Variants in LMBRD1 observed in about 807,000 individuals in gnomAD.
The protein encoded by LMBRD1 is LMBR1 domain containing 1.
In LMBRD1, 64 loss-of-function variants were observed where a neutral mutation model predicts 74.8. The observed-to-expected ratio is 0.86, with a 90% CI of 0.70 to 1.05. LMBRD1 has a LOEUF of 1.05. LMBRD1 is among the 50% of genes least tolerant of loss of function. LMBRD1 has a pLI of 0.00. For synonymous variants in LMBRD1, 204 were observed against 216.3 expected, an observed-to-expected ratio of 0.94 and a Z score of 0.50; for missense variants, 652 against 645.9, an observed-to-expected ratio of 1.01 and a Z score of -0.10.
At chr6:69,783,628 G>C (rs1765882912) in intron 2 of LMBRD1, among the ~76,000 whole-genome samples, 1 of 152,154 alleles carries the variant, frequency 6.6e-6, no homozygotes, top group Admixed American at 6.5e-5. Flanking sequence ...GCCTGCCTCA[G>C]CCTCTAGGTT....
At chr6:69,721,290 C>A (rs896898236) in intron 7 of LMBRD1, among the ~76,000 whole-genome samples, 3 of 152,208 alleles carry the variant, frequency 2.0e-5, no homozygotes, top group African/African-American at 7.2e-5. Flanking sequence ...CCTCTCCCAA[C>A]CCCATGAAGT....
chr6:69,678,567 G>T (rs1765595069), intron 14 of LMBRD1, among the ~76,000 whole-genome samples: 1 of 152,016 alleles, frequency 6.6e-6, no homozygotes, highest in South Asian at 2.1e-4. Context: ...ATTTCAGAAG[G>T]CCTACTTCTT....
At chr6:69,705,002 G>T in intron 9 of LMBRD1, among the ~76,000 whole-genome samples, 1 of 148,104 alleles carries the variant, frequency 6.8e-6, no homozygotes, top group East Asian at 2.0e-4. Context: ...TATTTCACAT[G>T]CATATTTTTG....
At chr6:69,713,856 C>T (rs1202723301) in intron 8 of LMBRD1, 59 bp from the exon 9 acceptor site, 1 of 1,580,058 alleles carries the variant, frequency 6.3e-7, no homozygotes, top group African/African-American at 1.3e-5. Context: ...AAGTACCCAG[C>T]AGATTTAGCA....
chr6:69,704,350 GA>G (rs1000206437), intron 9 of LMBRD1, among the ~76,000 whole-genome samples: 3 of 151,918 alleles, frequency 2.0e-5, no homozygotes, highest in Non-Finnish European at 4.4e-5. Context: ...TTATTTGTTG[GA>G]ATTCTACTGT....
intron 5 of LMBRD1, among the ~76,000 whole-genome samples, chr6:69,745,449 G>A (rs180875826): frequency 0.01 from 1,488 of 148,228 alleles, 11 homozygotes; most frequent in Non-Finnish European, 0.016. Context: ...TAGTAGAGAC[G>A]GGGTTTCACC....
At chr6:69,754,494 C>T (rs376566102) in intron 3 of LMBRD1, among the ~76,000 whole-genome samples, 1 of 152,038 alleles carries the variant, frequency 6.6e-6, no homozygotes, top group Non-Finnish European at 1.5e-5. Flanking sequence ...TCAACAGAGG[C>T]GCAGAGTTAA....
intron 4 of LMBRD1, among the ~76,000 whole-genome samples, 165 bp from the exon 5 acceptor site, chr6:69,749,573 CA>C (rs1765074955): frequency 6.6e-6 from 1 of 151,798 alleles, no homozygotes; most frequent in South Asian, 2.1e-4. Flanking sequence ...AGGTATACTA[CA>C]TCTTAAGTAT....
At chr6:69,796,745 C>T (rs1766242491) in intron 1 of LMBRD1, 68 bp downstream of exon 1, 1 of 1,491,452 alleles carries the variant, frequency 6.7e-7, no homozygotes, top group South Asian at 1.2e-5. Flanking sequence ...GAGAGGCCAA[C>T]TGCAGGGCCT....
chr6:69,752,406 A>C (rs760386615), intron 3 of LMBRD1, 50 bp from the exon 4 acceptor site: 3 of 1,379,482 alleles, frequency 2.2e-6, no homozygotes, highest in South Asian at 2.4e-5. Context: ...TATGTACTTA[A>C]TCATGGTTAT....
At chr6:69,733,534 T>G (rs995076171) in intron 7 of LMBRD1, among the ~76,000 whole-genome samples, 1 of 152,118 alleles carries the variant, frequency 6.6e-6, no homozygotes, top group African/African-American at 2.4e-5. Context: ...GGTAATAGAT[T>G]TTAAACAAAC....
rs1765500001 is a variant in LMBRD1 at position 69,674,184 on chromosome 6, TCC to T, written c.*1972_*1973del. On this transcript the variant is annotated 3_prime_UTR_variant, in exon 16 of 16. Transcript: ENST00000649934. The stretch of plus-strand genomic sequence containing the variant: ...TGTACATACACATTCTAGATGTCTC[TCC>T]CCCTTCTTATAAGAACACCAGTCAT... 6.6e-6 allele frequency among the ~76,000 whole-genome samples: 1 copy of T among 152,156 alleles called. No homozygotes were observed. Among genetic ancestry groups the T allele is most frequent in the African/African-American group, 2.4e-5 (1 of 41,422 alleles).
Position 69,743,613 on chromosome 6 carries a change from T to C in LMBRD1, c.474-1736A>G, listed in dbSNP as rs753641096. On this transcript the variant is annotated intron_variant, in intron 5 of 15. Transcript: ENST00000649934. ...TCAGAGAGTTAAACATTTGAGCACA[T>C]AGTATTTTAGGTATAAACGAAAGCA... Among the ~76,000 whole-genome samples the C allele has an allele frequency of 1.3e-3, 192 of 152,340 alleles. 1 individual carries two copies. Among genetic ancestry groups the C allele is most frequent in the Non-Finnish European group, 8.1e-4 (55 of 68,018 alleles).
intron 9 of LMBRD1, among the ~76,000 whole-genome samples, chr6:69,708,665 C>T (rs974000930): frequency 7.0e-6 from 1 of 143,822 alleles, no homozygotes; most frequent in African/African-American, 2.6e-5. Context: ...AAAAAAAAAT[C>T]CTCTACTAAT....
chr6:69,674,890 T>C lies in LMBRD1; in HGVS notation c.*1268A>G, dbSNP rs1418321157. 6.6e-6 allele frequency among the ~76,000 whole-genome samples: 1 copy of C among 152,078 alleles called. No homozygotes were observed. Among genetic ancestry groups the C allele is most frequent in the Non-Finnish European group, 1.5e-5 (1 of 68,014 alleles). The stretch of plus-strand genomic sequence containing the variant: ...CAGGAGGCTGAGGCAGGAGAATTGC[T>C]TGAATGCATGAAGGGGAGGTTGCAG... On this transcript the variant is annotated 3_prime_UTR_variant, in exon 16 of 16. Transcript: ENST00000649934.
At chr6:69,761,801 A>G (rs1195453003) in intron 3 of LMBRD1, among the ~76,000 whole-genome samples, 1 of 3,822 alleles carries the variant, frequency 2.6e-4, no homozygotes, top group Non-Finnish European at 3.6e-4. Context: ...AATAATCCCC[A>G]ATCCCCTAGC....
Position 69,790,944 on chromosome 6 carries a change from C to A in LMBRD1, c.70-472G>T, listed in dbSNP as rs983467042. Among the ~76,000 whole-genome samples, 7 of 152,306 alleles carry A rather than the reference C, an allele frequency of 4.6e-5. No homozygotes were observed. The East Asian group carries it at 9.6e-4, about 21-fold the overall frequency. On this transcript the variant is annotated intron_variant, in intron 1 of 15. Coordinates refer to ENST00000649934, the MANE Select transcript of LMBRD1 (RefSeq NM_018368.4). ...ATAGCATTGAGCTAAAGATTAACTG[C>A]CAGTAATCACCATGCAATTATCACA...
At chr6:69,776,149 T>C (rs1765695131) in intron 3 of LMBRD1, among the ~76,000 whole-genome samples, 1 of 152,214 alleles carries the variant, frequency 6.6e-6, no homozygotes, top group Non-Finnish European at 1.5e-5. Context: ...TAAGGCATAA[T>C]GTCAACTGTC....
Position 69,796,734 on chromosome 6 carries a change from G to C in LMBRD1, c.69+79C>G, listed in dbSNP as rs568452421. 10 of 1,346,908 alleles carry C rather than the reference G, an allele frequency of 7.4e-6. No individual in the cohort carries two copies. In the African/African-American group the frequency reaches 1.3e-4, roughly 18 times the overall value. The allele number at this position is 1,346,908 out of a possible 1,614,324, so 83.4% of individuals were successfully genotyped here. A position where few individuals can be genotyped will look rare whatever the true frequency, so the allele number is the denominator to read the frequency against. On this transcript the variant is annotated intron_variant, in intron 1 of 15. Coordinates refer to ENST00000649934, the MANE Select transcript of LMBRD1 (RefSeq NM_018368.4). ...GGGGCGAAGAGGGTCTCCGGGGCCC[G>C]GAGAGGCCAACTGCAGGGCCTGCCC...
Sources: allele counts gnomAD v4.1 joint callset (sites outside exome capture counted in the v4.1 genomes callset), GRCh38; gene constraint gnomAD v4.1.1; transcripts MANE v1.5; gene names NCBI Gene and HGNC (gene_info 2026-07-23, HGNC 2026-07-21).